SYBU: variants seen among roughly 807,000 people sequenced by gnomAD.
The protein encoded by SYBU is GOLSYN A protein.
Under a neutral mutation model 35.9 loss-of-function variants are expected in SYBU, and 21 were observed. That is an observed-to-expected ratio of 0.58 (90% CI 0.41 to 0.84). SYBU has a LOEUF of 0.84. SYBU is among the 40% of genes least tolerant of loss of function. The pLI, the probability that SYBU is intolerant of heterozygous loss-of-function variation, is 0.00. For synonymous variants in SYBU, 319 were observed against 324.3 expected (o/e 0.98, Z 0.18); for missense variants, 768 against 848.2 (o/e 0.91, Z 1.17).
chr8:109,576,073 T>C, intron 6 of SYBU, 60 bp from the exon 7 acceptor site: 3 of 1,224,956 alleles, frequency 2.4e-6, no homozygotes, highest in Non-Finnish European at 3.3e-6. Flanking sequence ...AAAAAAAACT[T>C]TCAACTGGGC....
upstream of SYBU, among the ~76,000 whole-genome samples, chr8:109,685,881 A>G (rs1817509014): frequency 1.3e-5 from 2 of 152,242 alleles, no homozygotes; most frequent in South Asian, 4.1e-4. Context: ...GTTTTTAGAA[A>G]AGAAATAGAA....
intron 3 of SYBU, among the ~76,000 whole-genome samples, chr8:109,594,232 G>C (rs1308778822): frequency 6.6e-6 from 1 of 152,140 alleles, no homozygotes; most frequent in Non-Finnish European, 1.5e-5. Flanking sequence ...GAAGGACTGG[G>C]AGAGAAAAAT....
chr8:109,581,764 A>C (rs1309051916), intron 4 of SYBU, among the ~76,000 whole-genome samples: 2 of 152,258 alleles, frequency 1.3e-5, no homozygotes, highest in Non-Finnish European at 2.9e-5. Flanking sequence ...AACCATGATC[A>C]CTTATTTACA....
At chr8:109,606,952 ATATAG>A (rs747345359) in intron 3 of SYBU, among the ~76,000 whole-genome samples, 48 of 152,368 alleles carry the variant, frequency 3.2e-4, no homozygotes, top group Middle Eastern at 6.8e-3. Context: ...TCTTATACTA[ATATAG>A]TATATGTTTT....
At chr8:109,626,819 T>C (rs889510689) in intron 2 of SYBU, among the ~76,000 whole-genome samples, 5 of 152,176 alleles carry the variant, frequency 3.3e-5, no homozygotes, top group African/African-American at 9.7e-5. Flanking sequence ...TGAGCCACGA[T>C]TGCACCACTG....
At chr8:109,652,451 G>A (rs532188013) in intron 1 of SYBU, among the ~76,000 whole-genome samples, 25 of 152,004 alleles carry the variant, frequency 1.6e-4, no homozygotes, top group African/African-American at 4.6e-4. Context: ...GGATTGATGC[G>A]GAGGAAAACA....
rs1388857477 is a variant in SYBU, at chr8:109,575,512, G to T, written c.1386C>A (p.Thr462=). 6.2e-7 allele frequency: 1 copy of T among 1,614,130 alleles called. No individual in the cohort carries two copies. The highest frequency in any genetic ancestry group is 8.5e-7 in the Non-Finnish European group (1 of 1,180,034). ...GCAGCTCCAGGACGTTAGCCCCAGG[G>T]GTGGAATGCACAAGCTCCAGGTCAC... is the stretch of plus-strand genomic sequence containing the variant. ...ESGDLELVHS[T]PGANVLELLP... Residue 462 remains threonine, a synonymous_variant, in exon 7 of 7, where the codon ACC becomes ACA. Transcript: ENST00000276646.
chr8:109,673,908 T>C (rs1817082385), intron 1 of SYBU, among the ~76,000 whole-genome samples: 2 of 151,006 alleles, frequency 1.3e-5, no homozygotes, highest in Admixed American at 6.6e-5. Flanking sequence ...AATAGCCAAA[T>C]TGATATAGCA....
chr8:109,638,489 G>C (rs1385915067), intron 2 of SYBU, among the ~76,000 whole-genome samples: 1 of 144,746 alleles, frequency 6.9e-6, no homozygotes, highest in Non-Finnish European at 1.5e-5. Flanking sequence ...GAAAAGACAG[G>C]TTGACTTTAT....
At chr8:109,647,988 C>G (rs916622055), upstream of SYBU, 3 of 152,152 alleles carry the variant, frequency 2.0e-5, no homozygotes, top group Admixed American at 1.3e-4. Context: ...TCAAGTGTTT[C>G]TCATGTCATT....
chr8:109,623,653 T>C (rs1474750919), intron 2 of SYBU, among the ~76,000 whole-genome samples: 1 of 152,184 alleles, frequency 6.6e-6, no homozygotes, highest in Non-Finnish European at 1.5e-5. Flanking sequence ...ATAAGGTCTT[T>C]GAAATATAGG....
In SYBU at chr8:109,575,151, C is replaced by T. The variant is rs760578112; in HGVS notation, c.1747G>A (p.Val583Met). The T allele has an allele frequency of 8.1e-6, 13 of 1,614,108 alleles. No individual in the cohort carries two copies. Among genetic ancestry groups the T allele is most frequent in the East Asian group, 2.2e-5 (1 of 44,884 alleles). ...ATGACACCATCCAACCTCTCTTCCACGCAGGCTGCAAAATCCAGCTCTCTC... is the reference window on the plus strand; with the variant it reads ...ATGACACCATCCAACCTCTCTTCCATGCAGGCTGCAAAATCCAGCTCTCTC... ...LMRELDFAAC[V>M]EERLDGVIPL... The change falls in exon 7 of 7, where the codon GTG becomes ATG. Residue 583 changes from valine to methionine, a missense_variant. Coordinates refer to ENST00000276646, the MANE Select transcript of SYBU (RefSeq NM_001099754.2).
At chr8:109,659,689 T>C (rs1435689657) in intron 1 of SYBU, among the ~76,000 whole-genome samples, 1 of 152,216 alleles carries the variant, frequency 6.6e-6, no homozygotes, top group Non-Finnish European at 1.5e-5. Flanking sequence ...TGTTCCCTTC[T>C]ACTACTGTTT....
chr8:109,687,615 T>C (rs7818856), intron 1 of SYBU, among the ~76,000 whole-genome samples: 2,323 of 152,290 alleles, frequency 0.015, 42 homozygotes, highest in African/African-American at 0.053. Flanking sequence ...AATGTTGGTT[T>C]CTGGGTGCTT....
Position 109,586,226 on chromosome 8 carries a change from T to C in SYBU, c.428-64A>G, listed in dbSNP as rs965247274. 4 of 1,213,594 alleles carry C rather than the reference T, an allele frequency of 3.3e-6. No homozygotes were observed. In the African/African-American group the frequency reaches 6.0e-5, roughly 18 times the overall value. The allele number at this position is 1,213,594 out of a possible 1,614,324, so 75.2% of individuals were successfully genotyped here. A position where few individuals can be genotyped will look rare whatever the true frequency, so the allele number is the denominator to read the frequency against. ...GAAACTAGAGAACACATTGGCCAGT[T>C]CCCTGCCTTCCAGGTCCCTGCTCCC... On this transcript the variant is annotated intron_variant, in intron 3 of 6. Transcript: ENST00000276646.
intron 4 of SYBU, among the ~76,000 whole-genome samples, chr8:109,585,485 G>A (rs1823502119): frequency 6.6e-6 from 1 of 152,216 alleles, no homozygotes; most frequent in African/African-American, 2.4e-5. Context: ...TGGTGGTGCT[G>A]GCATTTGAGC....
At chr8:109,656,249 C>G (rs1026816012) in intron 1 of SYBU, among the ~76,000 whole-genome samples, 1 of 152,168 alleles carries the variant, frequency 6.6e-6, no homozygotes, top group Admixed American at 6.5e-5. Flanking sequence ...AGCCAATTTC[C>G]TAATGCTTGA....
chr8:109,591,861 C>G (rs1268961129), intron 3 of SYBU, among the ~76,000 whole-genome samples: 1 of 151,540 alleles, frequency 6.6e-6, no homozygotes, highest in African/African-American at 2.4e-5. Flanking sequence ...GTAGTCACAC[C>G]ATATTATGTA....
At chr8:109,606,290 C>T (rs938758283) in intron 3 of SYBU, among the ~76,000 whole-genome samples, 2 of 152,026 alleles carry the variant, frequency 1.3e-5, no homozygotes, top group Admixed American at 6.6e-5. Flanking sequence ...ATGATGATAA[C>T]GTTTATAGTA....
Sources: allele counts gnomAD v4.1 joint callset (sites outside exome capture counted in the v4.1 genomes callset), GRCh38; gene constraint gnomAD v4.1.1; transcripts MANE v1.5; gene names NCBI Gene and HGNC (gene_info 2026-07-23, HGNC 2026-07-21).